The following ARL14EPL variants were observed in gnomAD, a reference collection of about 807,000 sequenced individuals.
ARL14EPL encodes the protein ARF like GTPase 14 effector protein like, also known as ARL14 effector protein-like.
A neutral mutation model predicts 15.9 loss-of-function variants in ARL14EPL; 17 were observed. That is an observed-to-expected ratio of 1.07 (90% CI 0.73 to 1.60). The LOEUF is 1.60. Among genes scored for constraint, ARL14EPL ranks in the 40% most tolerant of loss-of-function variants. The pLI is 0.00. For synonymous variants in ARL14EPL, 78 were observed against 63.8 expected, an observed-to-expected ratio of 1.22 and a Z score of -1.06; for missense variants, 214 against 185.9, an observed-to-expected ratio of 1.15 and a Z score of -0.88.
chr5:116,050,147 A>G (rs915182007), intron 1 of ARL14EPL, among the ~76,000 whole-genome samples: 5 of 152,258 alleles, frequency 3.3e-5, no homozygotes, highest in South Asian at 2.1e-4. Flanking sequence ...TGAATATTTT[A>G]TTTCTTTCAA....
intron 1 of ARL14EPL, among the ~76,000 whole-genome samples, chr5:116,040,277 C>G (rs1367664186): frequency 6.6e-6 from 1 of 151,766 alleles, no homozygotes; most frequent in Non-Finnish European, 1.5e-5. Flanking sequence ...TTCTTTAATG[C>G]CTTCCCTTCA....
At chr5:116,041,956 G>A (rs940006865) in intron 1 of ARL14EPL, among the ~76,000 whole-genome samples, 1 of 152,040 alleles carries the variant, frequency 6.6e-6, no homozygotes, top group Non-Finnish European at 1.5e-5. Flanking sequence ...GGCCTCCTGA[G>A]TAGCTGGGAT....
intron 1 of ARL14EPL, among the ~76,000 whole-genome samples, chr5:116,050,816 T>TC (rs1561579525): frequency 2.9e-4 from 24 of 81,536 alleles, no homozygotes; most frequent in East Asian, 2.6e-3. Context: ...CTCTCTCTCT[T>TC]ACACACACAC....
intron 1 of ARL14EPL, among the ~76,000 whole-genome samples, chr5:116,049,556 A>T (rs140431399): frequency 2.2e-4 from 34 of 152,330 alleles, no homozygotes; most frequent in African/African-American, 7.2e-4. Flanking sequence ...ATATTGCATG[A>T]TACTGAGGTT....
chr5:116,051,348 G>A (rs749986899), intron 1 of ARL14EPL, 109 bp from the exon 2 acceptor site: 13 of 711,700 alleles, frequency 1.8e-5, no homozygotes, highest in Non-Finnish European at 3.0e-5. Context: ...GATACAGTCT[G>A]GTTTTGAATA....
intron 1 of ARL14EPL, among the ~76,000 whole-genome samples, chr5:116,033,902 A>G (rs1051526762): frequency 6.6e-6 from 1 of 152,152 alleles, no homozygotes; most frequent in African/African-American, 2.4e-5. Flanking sequence ...ACTGCGCTTT[A>G]ATTATTTTGA....
intron 1 of ARL14EPL, among the ~76,000 whole-genome samples, chr5:116,046,815 A>G (rs1396933827): frequency 6.6e-6 from 1 of 152,196 alleles, no homozygotes; most frequent in Non-Finnish European, 1.5e-5. Context: ...TGTCCTCTCC[A>G]AATTCATAAT....
intron 1 of ARL14EPL, among the ~76,000 whole-genome samples, chr5:116,035,498 C>G (rs556085397): frequency 6.6e-6 from 1 of 152,146 alleles, no homozygotes; most frequent in South Asian, 2.1e-4. Flanking sequence ...TTTTTGACTG[C>G]GAACTGATTA....
rs188749090 is a variant in ARL14EPL at position 116,044,990 on chromosome 5, G to C, written c.-9-6467G>C. Among the ~76,000 whole-genome samples the C allele has an allele frequency of 3.2e-3, 480 of 152,118 alleles. 16 individuals are homozygous for C. The highest frequency in any genetic ancestry group is 0.028 in the Admixed American group (434 of 15,290). ...CCACCCTACTAGTTCGTCTTCATGA[G>C]GCAACTCACATGAAGAAGCAGGGAG... On this transcript the variant is annotated intron_variant, in intron 1 of 3. Transcript: ENST00000686077.
intron 3 of ARL14EPL, among the ~76,000 whole-genome samples, chr5:116,056,631 T>C (rs1225158905): frequency 6.6e-6 from 1 of 152,224 alleles, no homozygotes; most frequent in African/African-American, 2.4e-5. Flanking sequence ...TCTTTTGCTG[T>C]GCAGAAGCTC....
intron 1 of ARL14EPL, among the ~76,000 whole-genome samples, chr5:116,037,889 C>T (rs1481907486): frequency 6.6e-6 from 1 of 152,150 alleles, no homozygotes; most frequent in Non-Finnish European, 1.5e-5. Flanking sequence ...GAGATAAACA[C>T]TGCATTGATG....
chr5:116,047,167 GT>G (rs1487001668), intron 1 of ARL14EPL, among the ~76,000 whole-genome samples: 14 of 152,348 alleles, frequency 9.2e-5, no homozygotes, highest in Admixed American at 7.2e-4. Context: ...GACTAATATA[GT>G]GACTTTCTTC....
chr5:116,052,357 T>C, intron 2 of ARL14EPL: 4 of 827,228 alleles, frequency 4.8e-6, no homozygotes, highest in Non-Finnish European at 6.3e-6. Flanking sequence ...ACAAATGTTT[T>C]TATTTAATGA....
chr5:116,046,771 T>C (rs1371044210), intron 1 of ARL14EPL, among the ~76,000 whole-genome samples: 1 of 152,180 alleles, frequency 6.6e-6, no homozygotes, highest in Non-Finnish European at 1.5e-5. Flanking sequence ...TTAAGGGTAA[T>C]TTCATCTGTA....
chr5:116,036,410 C>CA (rs60958885), intron 1 of ARL14EPL, among the ~76,000 whole-genome samples: 152,318 of 152,318 alleles, frequency 1, 76,159 homozygotes, highest in Non-Finnish European at 1. Context: ...AATGGATGTC[C>CA]AAACAAGGAA....
intron 1 of ARL14EPL, among the ~76,000 whole-genome samples, chr5:116,041,821 G>T (rs1465825486): frequency 6.6e-6 from 1 of 151,888 alleles, no homozygotes; most frequent in Non-Finnish European, 1.5e-5. Context: ...TTTCTAGTCA[G>T]TCTTTTTTAA....
intron 3 of ARL14EPL, among the ~76,000 whole-genome samples, chr5:116,055,893 C>T (rs564346787): frequency 1.6e-4 from 25 of 152,072 alleles, no homozygotes; most frequent in African/African-American, 5.1e-4. Context: ...TGAGAACATG[C>T]GGTGTTTGGT....
chr5:116,042,451 C>T (rs17138711), intron 1 of ARL14EPL, among the ~76,000 whole-genome samples: 9,542 of 152,216 alleles, frequency 0.063, 1,033 homozygotes, highest in African/African-American at 0.22. Flanking sequence ...CAGTGCCATC[C>T]ACTTCTGGAC....
intron 3 of ARL14EPL, among the ~76,000 whole-genome samples, chr5:116,056,062 G>A (rs551959655): frequency 3.9e-5 from 6 of 152,242 alleles, no homozygotes; most frequent in African/African-American, 1.4e-4. Flanking sequence ...GGACATTTCG[G>A]TTGGTTCCAA....
Sources: gnomAD v4.1 joint callset for allele counts (sites outside exome capture counted in the v4.1 genomes callset) on GRCh38, gnomAD v4.1.1 for gene constraint, MANE v1.5 for transcripts, NCBI Gene and HGNC (gene_info 2026-07-23, HGNC 2026-07-21) for gene names.